Variants in RTN4 observed in about 807,000 individuals in gnomAD.
RTN4 encodes the protein reticulon 4.
Under a neutral mutation model 90.4 loss-of-function variants are expected in RTN4, and 32 were observed. That is an observed-to-expected ratio of 0.35 (90% CI 0.27 to 0.48). The LOEUF is 0.48. Among genes scored for constraint, RTN4 ranks in the 20% least tolerant of loss-of-function variants. The probability of loss-of-function intolerance (pLI) is 0.99; values close to 1 mark genes in which losing one functional copy is unlikely to be tolerated. For missense variants in RTN4, 1,706 were observed against 1,430.2 expected (o/e 1.19, Z -3.11); for synonymous variants, 629 against 552.5 (o/e 1.14, Z -1.94).
intron 2 of RTN4, among the ~76,000 whole-genome samples, chr2:55,076,104 TC>T (rs2105022995): frequency 6.6e-6 from 1 of 152,162 alleles, no homozygotes; most frequent in South Asian, 2.1e-4. Context: ...TTAAAAAAGC[TC>T]CTGCACAGCA....
chr2:55,049,805 G>C lies in RTN4; in HGVS notation c.496C>G (p.Pro166Ala), dbSNP rs1286958854. 3.8e-6 allele frequency: 5 copies of C among 1,310,910 alleles called. No homozygotes were observed. The highest frequency in any genetic ancestry group is 3.1e-5 in the African/African-American group (2 of 64,636). 81.2% of individuals were successfully genotyped at this position (1,310,910 alleles called of 1,614,324 possible). A position where few individuals can be genotyped will look rare whatever the true frequency, so the allele number is the denominator to read the frequency against. The stretch of plus-strand genomic sequence containing the variant: ...GCCGGGGTGGAGGGGGGCGCGGCGG[G>C]AGCCGGGGCTGGCGGGGTCCACACG... ...EPVWTPPAPA[P>A]AAPPSTPAAP... is the part of the protein sequence containing the mutation. Residue 166 changes from proline (P) to alanine (A), a missense_variant, in exon 1 of 9, where the codon CCC becomes GCC. By Grantham distance (27) the Pro-to-Ala change is conservative. Transcript: ENST00000337526.
chr2:55,126,356 C>G, the RTN4 span, among the ~76,000 whole-genome samples: 2 of 147,766 alleles, frequency 1.4e-5, no homozygotes, highest in Non-Finnish European at 3.0e-5. Context: ...GAAACAAGAG[C>G]AAAACTCCGT....
At position 55,013,147 on chromosome 2, in the gene RTN4, T is replaced by C. The variant is rs1036985902; in HGVS notation, c.3013+11939A>G. On this transcript the variant is annotated intron_variant, in intron 3 of 8. Transcript: ENST00000337526. ...CTCCTTTATTTATACTGCAAGCCAA[T>C]AAAAGTGTTGTATGAATTCTAAGCC... Among the ~76,000 whole-genome samples, 3 of 152,252 alleles carry C rather than the reference T, an allele frequency of 2.0e-5. No homozygotes were observed. The East Asian group carries it at 5.8e-4, about 29-fold the overall frequency.
At chr2:55,070,545 CAAAAAAAA>C (rs747838297) in intron 2 of RTN4, among the ~76,000 whole-genome samples, 4 of 67,332 alleles carry the variant, frequency 5.9e-5, no homozygotes, top group Non-Finnish European at 8.6e-5. Context: ...GACTCTGTCT[CAAAAAAAA>C]AAAAAAAAAA....
intron 1 of RTN4, among the ~76,000 whole-genome samples, chr2:55,042,888 G>C (rs547707741): frequency 1.5e-4 from 23 of 152,206 alleles, no homozygotes; most frequent in Middle Eastern, 3.4e-3. Context: ...AAAGAAATCA[G>C]TAACCATACC....
intron 3 of RTN4, among the ~76,000 whole-genome samples, chr2:55,002,523 C>A (rs1679923257): frequency 6.6e-6 from 1 of 152,112 alleles, no homozygotes; most frequent in Non-Finnish European, 1.5e-5. Context: ...TAATTAAATT[C>A]ACCAGTTTAC....
At chr2:55,105,840 T>C (rs887169676) in intron 1 of RTN4, among the ~76,000 whole-genome samples, 1 of 151,962 alleles carries the variant, frequency 6.6e-6, no homozygotes, top group African/African-American at 2.4e-5. Context: ...GTTAGCCAAG[T>C]ACAGTGGCAC....
At chr2:55,107,699 G>A (rs1483512629) in intron 1 of RTN4, among the ~76,000 whole-genome samples, 3 of 152,056 alleles carry the variant, frequency 2.0e-5, no homozygotes, top group Non-Finnish European at 4.4e-5. Flanking sequence ...GGTGCCCTGG[G>A]CATCCAGAGG....
intron 5 of RTN4, among the ~76,000 whole-genome samples, chr2:54,975,584 A>G (rs2104605358): frequency 6.6e-6 from 1 of 152,284 alleles, no homozygotes; most frequent in South Asian, 2.1e-4. Context: ...TCGTTGTCAT[A>G]ACCCTTTAAA....
Position 55,026,328 on chromosome 2 carries a change from A to T in RTN4, c.1771T>A (p.Tyr591Asn), listed in dbSNP as rs199824937. 9.3e-6 allele frequency: 15 copies of T among 1,613,856 alleles called. No homozygotes were observed. The highest frequency in any genetic ancestry group is 1.3e-5 in the Non-Finnish European group (15 of 1,179,892). Residue 591 changes from tyrosine to asparagine, a missense_variant, in exon 3 of 9, where the codon TAT becomes AAT. Coordinates refer to ENST00000337526, the MANE Select transcript of RTN4 (RefSeq NM_020532.5). ...QTSEVMQESLYPAAQLCPSFE... is the reference protein window; with the variant it reads ...QTSEVMQESLNPAAQLCPSFE... ...GATGGGCAAAGCTGTGCTGCAGGAT[A>T]GAGTGACTCTTGCATAACTTCTGAT...
At chr2:55,002,976 G>A (rs149208165) in intron 3 of RTN4, among the ~76,000 whole-genome samples, 14 of 152,092 alleles carry the variant, frequency 9.2e-5, no homozygotes, top group African/African-American at 3.4e-4. Context: ...CTTCTTGTTG[G>A]CCCATCTAAA....
chr2:55,133,547 T>A, the RTN4 span, among the ~76,000 whole-genome samples: 2 of 152,172 alleles, frequency 1.3e-5, no homozygotes, highest in East Asian at 3.9e-4. Context: ...TCAGTTCAAT[T>A]CCGTTAGAAC....
chr2:54,978,349 G>A (rs1261647884), intron 5 of RTN4, among the ~76,000 whole-genome samples: 2 of 145,820 alleles, frequency 1.4e-5, no homozygotes, highest in African/African-American at 5.1e-5. Flanking sequence ...AGAATCACTT[G>A]AACCTGGAAG....
chr2:55,010,325 T>C (rs1680542370), intron 3 of RTN4: 1 of 1,388,598 alleles, frequency 7.2e-7, no homozygotes, highest in African/African-American at 1.4e-5. Context: ...GTGCAATCTG[T>C]AACTAGGCTA....
At chr2:55,071,632 C>A (rs1047754756) in intron 2 of RTN4, among the ~76,000 whole-genome samples, 1 of 150,812 alleles carries the variant, frequency 6.6e-6, no homozygotes, top group African/African-American at 2.4e-5. Context: ...ATGCTGCAGG[C>A]GATCACTGAC....
intron 1 of RTN4, among the ~76,000 whole-genome samples, chr2:55,048,397 T>A (rs964435836): frequency 1.3e-5 from 2 of 152,246 alleles, no homozygotes; most frequent in African/African-American, 4.8e-5. Context: ...TTCTATTTTA[T>A]AAACTTTTTG....
chr2:55,036,350 C>T (rs1188948623), intron 1 of RTN4, among the ~76,000 whole-genome samples: 1 of 151,728 alleles, frequency 6.6e-6, no homozygotes, highest in Non-Finnish European at 1.5e-5. Context: ...GCCTGTAATC[C>T]CAGCACTTTG....
the RTN4 span, among the ~76,000 whole-genome samples, chr2:55,126,654 G>C: frequency 1.3e-5 from 2 of 152,140 alleles, no homozygotes; most frequent in Non-Finnish European, 2.9e-5. Flanking sequence ...ACTACCATTC[G>C]ACCCAGCAAT....
intron 2 of RTN4, among the ~76,000 whole-genome samples, chr2:55,079,528 A>G (rs1668665956): frequency 6.6e-6 from 1 of 152,240 alleles, no homozygotes; most frequent in Non-Finnish European, 1.5e-5. Flanking sequence ...ATGGTCAGCA[A>G]GAATACTGGT....
Sources: allele counts gnomAD v4.1 joint callset (sites outside exome capture counted in the v4.1 genomes callset), GRCh38; gene constraint gnomAD v4.1.1; transcripts MANE v1.5; gene names NCBI Gene and HGNC (gene_info 2026-07-23, HGNC 2026-07-21).